SLC17A6: variants seen among roughly 807,000 people sequenced by gnomAD.
SLC17A6 encodes the protein solute carrier family 17 member 6.
A neutral mutation model predicts 67.1 loss-of-function variants in SLC17A6; 35 were observed. That is an observed-to-expected ratio of 0.52 (90% CI 0.40 to 0.69). The LOEUF (loss-of-function observed/expected upper bound fraction) is 0.69, where lower values mean the gene tolerates loss of function less well. SLC17A6 is among the 30% of genes least tolerant of loss of function. The pLI, the probability that SLC17A6 is intolerant of heterozygous loss-of-function variation, is 0.00. For missense variants in SLC17A6, 588 were observed against 723.9 expected, an observed-to-expected ratio of 0.81 and a Z score of 2.15; for synonymous variants, 285 against 252.3, an observed-to-expected ratio of 1.13 and a Z score of -1.23.
intron 5 of SLC17A6, 65 bp downstream of exon 5, chr11:22,361,049 G>T (rs1856046964): frequency 1.4e-6 from 2 of 1,431,762 alleles, no homozygotes; most frequent in East Asian, 4.7e-5. Context: ...AATAAGAATT[G>T]AAAATTTGGT....
intron 7 of SLC17A6, among the ~76,000 whole-genome samples, chr11:22,368,834 T>C (rs1030396325): frequency 2.6e-5 from 4 of 152,072 alleles, no homozygotes; most frequent in African/African-American, 9.6e-5. Flanking sequence ...GCCACTAAAA[T>C]TTTTTATCCA....
intron 3 of SLC17A6, among the ~76,000 whole-genome samples, chr11:22,348,905 C>A (rs922406058): frequency 6.6e-6 from 1 of 151,976 alleles, no homozygotes; most frequent in Non-Finnish European, 1.5e-5. Flanking sequence ...TGTGTTAAGC[C>A]CAGAAAGGAG....
intron 3 of SLC17A6, 33 bp downstream of exon 3, chr11:22,343,398 G>T: frequency 6.4e-7 from 1 of 1,560,722 alleles, no homozygotes; most frequent in Non-Finnish European, 8.7e-7. Flanking sequence ...GGCTCGGGGC[G>T]TGGTGTTTGT....
intron 3 of SLC17A6, among the ~76,000 whole-genome samples, chr11:22,344,448 A>C (rs2133859462): frequency 6.6e-6 from 1 of 152,266 alleles, no homozygotes; most frequent in African/African-American, 2.4e-5. Flanking sequence ...TTTCTGCCCA[A>C]GGCTTCTCAG....
rs3047444 is a variant in SLC17A6, at chr11:22,350,458, C to CA, written c.458+7102dup. On this transcript the variant is annotated intron_variant, in intron 3 of 11. Coordinates refer to ENST00000263160, the MANE Select transcript of SLC17A6 (RefSeq NM_020346.3). Reference sequence around the variant, plus strand: ...ATGTTATTTGCTGCAGAGGAAATCACAAAAAAAAACCCAACAATTTTAAGT... The same window carrying CA: ...ATGTTATTTGCTGCAGAGGAAATCACAAAAAAAAAACCCAACAATTTTAAGT... 7.3e-3 allele frequency among the ~76,000 whole-genome samples: 1,102 copies of CA among 149,998 alleles called. 7 individuals carry two copies. The highest frequency in any genetic ancestry group is 0.019 in the African/African-American group (788 of 40,928).
At chr11:22,343,711 G>A in intron 3 of SLC17A6, among the ~76,000 whole-genome samples, 1 of 152,180 alleles carries the variant, frequency 6.6e-6, no homozygotes, top group East Asian at 1.9e-4. Flanking sequence ...AGTGCACAAA[G>A]GGGTGTAGAA....
At chr11:22,373,318 A>G (rs180990714) in intron 8 of SLC17A6, among the ~76,000 whole-genome samples, 1 of 152,228 alleles carries the variant, frequency 6.6e-6, no homozygotes, top group Non-Finnish European at 1.5e-5. Context: ...TTCTATACAA[A>G]TCCTAACATA....
At chr11:22,364,447 A>T (rs1298522688) in intron 6 of SLC17A6, among the ~76,000 whole-genome samples, 1 of 152,172 alleles carries the variant, frequency 6.6e-6, no homozygotes, top group Non-Finnish European at 1.5e-5. Flanking sequence ...AGATTCAGTT[A>T]CTGATTGGAT....
At chr11:22,352,648 T>G (rs1022765504) in intron 3 of SLC17A6, among the ~76,000 whole-genome samples, 6 of 152,138 alleles carry the variant, frequency 3.9e-5, no homozygotes, top group African/African-American at 1.4e-4. Flanking sequence ...GAAAAAATAA[T>G]GGGACGGCTT....
chr11:22,347,357 T>C (rs1386781961), intron 3 of SLC17A6, among the ~76,000 whole-genome samples: 2 of 152,168 alleles, frequency 1.3e-5, no homozygotes, highest in African/African-American at 2.4e-5. Flanking sequence ...CTTTACACCT[T>C]AGTTTGTATT....
rs1461128379 is a variant in SLC17A6, at chr11:22,379,153, A to C, written c.*1413A>C. 6.6e-6 allele frequency: 1 copy of C among 152,470 alleles called. No individual in the cohort carries two copies. Among genetic ancestry groups the C allele is most frequent in the Non-Finnish European group, 1.5e-5 (1 of 67,976 alleles). The allele number at this position is 152,470 out of a possible 1,614,324, so 9.4% of individuals were successfully genotyped here. A position where few individuals can be genotyped will look rare whatever the true frequency, so the allele number is the denominator to read the frequency against. ...GTTGGAATAATTTTATTTTTCTTTT[A>C]AAAAAGCTAACATCAGACCCCTTTA... is the stretch of plus-strand genomic sequence containing the variant. On this transcript the variant is annotated 3_prime_UTR_variant, in exon 12 of 12. Coordinates refer to ENST00000263160, the MANE Select transcript of SLC17A6 (RefSeq NM_020346.3).
intron 2 of SLC17A6, among the ~76,000 whole-genome samples, chr11:22,342,376 C>G (rs1327813478): frequency 6.6e-6 from 1 of 152,076 alleles, no homozygotes; most frequent in Non-Finnish European, 1.5e-5. Flanking sequence ...CTTAGAAACC[C>G]CAGCTGCCGT....
intron 3 of SLC17A6, among the ~76,000 whole-genome samples, chr11:22,354,220 A>G (rs894542396): frequency 2.6e-5 from 4 of 151,886 alleles, no homozygotes; most frequent in African/African-American, 9.7e-5. Flanking sequence ...AGTAGCTGAG[A>G]TTACAGGTGC....
chr11:22,353,709 T>C (rs1855966622), intron 3 of SLC17A6, among the ~76,000 whole-genome samples: 1 of 152,214 alleles, frequency 6.6e-6, no homozygotes, highest in African/African-American at 2.4e-5. Flanking sequence ...TTAAAGGACA[T>C]CTTCCATTTT....
At chr11:22,370,329 A>G (rs547906573) in intron 8 of SLC17A6, 141 bp downstream of exon 8, 1 of 692,754 alleles carries the variant, frequency 1.4e-6, no homozygotes, top group Non-Finnish European at 2.3e-6. Context: ...TAGGAAATAG[A>G]AGCAAAGTAA....
intron 2 of SLC17A6, among the ~76,000 whole-genome samples, chr11:22,342,590 C>T (rs1031419350): frequency 1.3e-5 from 2 of 152,022 alleles, no homozygotes; most frequent in African/African-American, 2.4e-5. Flanking sequence ...GGGAGTCACC[C>T]AGGCTGCTCA....
intron 6 of SLC17A6, among the ~76,000 whole-genome samples, chr11:22,363,509 A>T (rs1411225040): frequency 6.6e-6 from 1 of 152,212 alleles, no homozygotes; most frequent in Non-Finnish European, 1.5e-5. Context: ...ATCCCAACTG[A>T]TATTGTCACT....
rs1325780422 is a variant in SLC17A6 at position 22,377,524 on chromosome 11, A to G, written c.1533A>G (p.Thr511=). The part of the protein sequence containing the change: ...EKQPWADPEE[T]SEEKCGFIHE... ...AACCCTGGGCAGACCCGGAGGAAAC[A>G]AGTGAAGAAAAATGTGGATTTATTC... is the stretch of plus-strand genomic sequence containing the variant. Residue 511 remains threonine, a synonymous_variant, in exon 12 of 12, where the codon ACA becomes ACG. Transcript: ENST00000263160. The G allele has an allele frequency of 1.2e-5, 20 of 1,614,056 alleles. No individual in the cohort carries two copies. Among genetic ancestry groups the G allele is most frequent in the Non-Finnish European group, 1.6e-5 (19 of 1,180,010 alleles).
chr11:22,365,604 C>T lies in SLC17A6; in HGVS notation c.806C>T (p.Ala269Val). 4 of 1,613,920 alleles carry T rather than the reference C, an allele frequency of 2.5e-6. No individual in the cohort carries two copies. Among genetic ancestry groups the T allele is most frequent in the Non-Finnish European group, 3.4e-6 (4 of 1,179,864 alleles). The change falls in exon 7 of 12, where the codon GCA becomes GTA. Residue 269 changes from alanine to valine, a missense_variant. Ala to Val is a moderately conservative substitution (Grantham distance 64). Around this residue, in one of 4 missense-constraint regions of SLC17A6, gnomAD observed 414 missense variants for 563.4 expected, o/e 0.73. Coordinates refer to ENST00000263160, the MANE Select transcript of SLC17A6 (RefSeq NM_020346.3). The part of the protein sequence containing the change: ...FWLLVSYESP[A>V]KHPTITDEER... ...CTTTTGGTGTCTTATGAAAGTCCTGCAAAGCATCCTACTATTACAGATGAA... is the reference window on the plus strand; with the variant it reads ...CTTTTGGTGTCTTATGAAAGTCCTGTAAAGCATCCTACTATTACAGATGAA...
Sources: gnomAD v4.1 joint callset for allele counts (sites outside exome capture counted in the v4.1 genomes callset) on GRCh38, gnomAD v4.1.1 for gene constraint, gnomAD v4.1.1 regional missense constraint, MANE v1.5 for transcripts, NCBI Gene and HGNC (gene_info 2026-07-23, HGNC 2026-07-21) for gene names.